Variants in SLC6A3 observed in about 807,000 individuals in gnomAD.
SLC6A3 encodes sodium-dependent dopamine transporter.
In SLC6A3, 19 loss-of-function variants were observed where a neutral mutation model predicts 70.4. The ratio of observed to expected loss-of-function variants is 0.27; its 90% CI spans 0.19 to 0.40. SLC6A3 has a LOEUF of 0.40. Ranked by LOEUF, SLC6A3 falls within the 10% of genes least tolerant of loss-of-function variation. The pLI is 1.00. For missense variants in SLC6A3, 613 were observed against 838.5 expected, an observed-to-expected ratio of 0.73 and a Z score of 3.32; for synonymous variants, 368 against 356.6, an observed-to-expected ratio of 1.03 and a Z score of -0.36.
At chr5:1,418,178 T>C (rs1474473761) in intron 6 of SLC6A3, among the ~76,000 whole-genome samples, 2 of 152,120 alleles carry the variant, frequency 1.3e-5, no homozygotes, top group African/African-American at 4.8e-5. Context: ...AGCTGCAGGC[T>C]GGATCAGGTG....
rs553141529 is a variant in SLC6A3, at chr5:1,408,953, C to T, written c.1498+73G>A. On this transcript the variant is annotated intron_variant, in intron 11 of 14. Transcript: ENST00000270349. The surrounding 1 kb of genome is among the most constrained non-coding windows in gnomAD (Gnocchi z 6.4). ...AGCTGAAAGGTGTTTCCTCACGGAG[C>T]CTTTTTCAGAAGGGGAGTGGCACAG... 3.8e-6 allele frequency: 4 copies of T among 1,051,994 alleles called. No homozygotes were observed. Among genetic ancestry groups the T allele is most frequent in the East Asian group, 4.9e-5 (2 of 40,948 alleles). The allele number at this position is 1,051,994 out of a possible 1,614,324, so 65.2% of individuals were successfully genotyped here.
chr5:1,430,026 A>G (rs1332218691), intron 4 of SLC6A3, among the ~76,000 whole-genome samples: 1 of 151,606 alleles, frequency 6.6e-6, no homozygotes, highest in Admixed American at 6.6e-5. Context: ...TCCTGCCCAG[A>G]CTCTCCCACG....
rs762020173 is a variant in SLC6A3, at chr5:1,411,232, G to A, written c.1269+11C>T. On this transcript the variant is annotated intron_variant, in intron 9 of 14. Coordinates refer to ENST00000270349, the MANE Select transcript of SLC6A3 (RefSeq NM_001044.5). This position sits in a 1 kb window ranked among gnomAD's most constrained non-coding sequence, Gnocchi z 6.5. ...TGCCGAGGACAGGGCCGGGCGGTGCGGGTTACTCACGGCGCTGTCGATACC... is the reference window on the plus strand; with the variant it reads ...TGCCGAGGACAGGGCCGGGCGGTGCAGGTTACTCACGGCGCTGTCGATACC... 19 of 1,531,714 alleles carry A rather than the reference G, an allele frequency of 1.2e-5. No individual in the cohort carries two copies. Among genetic ancestry groups the A allele is most frequent in the East Asian group, 4.9e-5 (2 of 40,828 alleles). 94.9% of individuals were successfully genotyped at this position (1,531,714 alleles called of 1,614,324 possible).
intron 4 of SLC6A3, among the ~76,000 whole-genome samples, chr5:1,432,255 G>A (rs72715594): frequency 5.1e-4 from 78 of 152,238 alleles, no homozygotes; most frequent in Non-Finnish European, 9.9e-4. Flanking sequence ...CTGAGGGCTC[G>A]CCCTACAGGA....
At chr5:1,418,072 G>A (rs1464788700) in intron 6 of SLC6A3, among the ~76,000 whole-genome samples, 3 of 152,220 alleles carry the variant, frequency 2.0e-5, no homozygotes, top group Non-Finnish European at 4.4e-5. Context: ...ATGAGGGGAG[G>A]AGCCAAGCCG....
rs1756138051 is a variant in SLC6A3 at position 1,411,931 on chromosome 5, C to T, written c.1157-576G>A. Reference sequence around the variant, plus strand: ...ATACACACACAGACACATGCGCGCACATGCACGAACACTCATTTGTGCATT... The same window carrying T: ...ATACACACACAGACACATGCGCGCATATGCACGAACACTCATTTGTGCATT... On this transcript the variant is annotated intron_variant, in intron 8 of 14. Coordinates refer to ENST00000270349, the MANE Select transcript of SLC6A3 (RefSeq NM_001044.5). The surrounding 1 kb of genome is among the most constrained non-coding windows in gnomAD (Gnocchi z 6.5). Among the ~76,000 whole-genome samples, 1 of 152,180 alleles carries T rather than the reference C, an allele frequency of 6.6e-6. No homozygotes were observed. Among genetic ancestry groups the T allele is most frequent in the African/African-American group, 2.4e-5 (1 of 41,418 alleles).
At chr5:1,433,035 G>C (rs900604156) in intron 3 of SLC6A3, among the ~76,000 whole-genome samples, 2 of 151,998 alleles carry the variant, frequency 1.3e-5, no homozygotes, top group African/African-American at 4.8e-5. Context: ...TGCACCCAGA[G>C]ACCCCCAGGG....
chr5:1,440,357 T>G (rs985875008), intron 3 of SLC6A3, among the ~76,000 whole-genome samples: 4 of 152,108 alleles, frequency 2.6e-5, no homozygotes, highest in African/African-American at 9.6e-5. Flanking sequence ...GATGGATGGA[T>G]GGATGGATGG....
In SLC6A3 at chr5:1,421,062, G is replaced by A. The variant is rs1756423652; in HGVS notation, c.793-359C>T. 6.6e-6 allele frequency among the ~76,000 whole-genome samples: 1 copy of A among 152,046 alleles called. No homozygotes were observed. Among genetic ancestry groups the A allele is most frequent in the African/African-American group, 2.4e-5 (1 of 41,302 alleles). On this transcript the variant is annotated intron_variant, in intron 5 of 14. Transcript: ENST00000270349. This position sits in a 1 kb window ranked among gnomAD's most constrained non-coding sequence, Gnocchi z 7.2. The stretch of plus-strand genomic sequence containing the variant: ...CGGCACTGTGGCACGATGAAGGGCT[G>A]CTCTGGGCTGTGTCCCTGCGGGAGG...
intron 6 of SLC6A3, among the ~76,000 whole-genome samples, chr5:1,416,974 T>C: frequency 6.6e-6 from 1 of 151,812 alleles, no homozygotes. Context: ...ACACACAACA[T>C]GACCGCGGCG....
chr5:1,439,054 C>T (rs1342267878), intron 3 of SLC6A3, among the ~76,000 whole-genome samples: 4 of 152,186 alleles, frequency 2.6e-5, no homozygotes, highest in African/African-American at 9.7e-5. Flanking sequence ...ACAGGTAACG[C>T]GTGTGTCTTG....
At position 1,402,858 on chromosome 5, in the gene SLC6A3, G is replaced by A. The variant is rs146711102; in HGVS notation, c.1767+64C>T. 1.3e-3 allele frequency: 2,042 copies of A among 1,536,954 alleles called. 6 individuals carry two copies. Among genetic ancestry groups the A allele is most frequent in the Middle Eastern group, 7.6e-3 (33 of 4,326 alleles). ...CAGGCAGGTGAGGACTGGGGCCATG[G>A]ACACCCACGGAGCCTTTCTGGTGGC... On this transcript the variant is annotated intron_variant, in intron 13 of 14. Transcript: ENST00000270349. This position sits in a 1 kb window ranked among gnomAD's most constrained non-coding sequence, Gnocchi z 8.5.
At chr5:1,422,911 G>A (rs1756484715) in intron 4 of SLC6A3, among the ~76,000 whole-genome samples, 2 of 92,842 alleles carry the variant, frequency 2.2e-5, no homozygotes, top group African/African-American at 9.8e-5. Context: ...TGCCCATGGT[G>A]CTGGGTACCC....
rs774641284 is a variant in SLC6A3, at chr5:1,406,302, G to A, written c.1499-14C>T. On this transcript the variant is annotated splice_polypyrimidine_tract_variant and intron_variant, in intron 11 of 14. Transcript: ENST00000270349. This position sits in a 1 kb window ranked among gnomAD's most constrained non-coding sequence, Gnocchi z 8.8. ...ACTGCCCAACACCTGAGGGAGAAGA[G>A]GTGGCATCAGTGTCCATCAGGGCAG... 5 of 1,606,320 alleles carry A rather than the reference G, an allele frequency of 3.1e-6. No individual in the cohort carries two copies. The highest frequency in any genetic ancestry group is 4.3e-6 in the Non-Finnish European group (5 of 1,174,096).
rs772870958 is a variant in SLC6A3, at chr5:1,403,081, G to A, written c.1608C>T (p.Val536=). Residue 536 remains valine, a synonymous_variant, in exon 13 of 15, where the codon GTC becomes GTT. Coordinates refer to ENST00000270349, the MANE Select transcript of SLC6A3 (RefSeq NM_001044.5). ...GTCTGAAGGTCACAATGCTGACCAC[G>A]ACCACGAACTGCAACCAGCAGATAC... is the stretch of plus-strand genomic sequence containing the variant. ...LVSPCFLLFV[V]VVSIVTFRPP... is the part of the protein sequence containing the mutation. 5.0e-6 allele frequency: 8 copies of A among 1,613,554 alleles called. No individual in the cohort carries two copies. The highest frequency in any genetic ancestry group is 2.2e-5 in the South Asian group (2 of 91,050).
rs1755870375 is a variant in SLC6A3, at chr5:1,402,386, T to C, written c.1767+536A>G. On this transcript the variant is annotated intron_variant, in intron 13 of 14. Coordinates refer to ENST00000270349, the MANE Select transcript of SLC6A3 (RefSeq NM_001044.5). This position sits in a 1 kb window ranked among gnomAD's most constrained non-coding sequence, Gnocchi z 8.5. ...ATATCAGTGACTCCGCAAAGCTTCC[T>C]CCACTGCCTGGGGCTCCAGCTGCCC... Among the ~76,000 whole-genome samples the C allele has an allele frequency of 6.6e-6, 1 of 151,804 alleles. No homozygotes were observed. Among genetic ancestry groups the C allele is most frequent in the Non-Finnish European group, 1.5e-5 (1 of 67,978 alleles).
chr5:1,400,825 A>C, intron 14 of SLC6A3, 90 bp downstream of exon 14: 1 of 967,158 alleles, frequency 1.0e-6, no homozygotes, highest in Non-Finnish European at 1.6e-6. Context: ...CATCTACACC[A>C]GCCTCGGAGC....
rs899156730 is a variant in SLC6A3 at position 1,404,893 on chromosome 5, C to T, written c.1599+1295G>A. 6.6e-6 allele frequency among the ~76,000 whole-genome samples: 1 copy of T among 152,216 alleles called. No individual in the cohort carries two copies. The highest frequency in any genetic ancestry group is 2.4e-5 in the African/African-American group (1 of 41,450). ...GTCTAAGATCAGTAGAACATTTTAT[C>T]TCCTAAGATCGAGGTCAGCCCTCTG... On this transcript the variant is annotated intron_variant, in intron 12 of 14. Transcript: ENST00000270349. The surrounding 1 kb of genome is among the most constrained non-coding windows in gnomAD (Gnocchi z 5.2).
Position 1,405,847 on chromosome 5 carries a change from G to A in SLC6A3, c.1599+341C>T, listed in dbSNP as rs992765059. Among the ~76,000 whole-genome samples, 4 of 139,762 alleles carry A rather than the reference G, an allele frequency of 2.9e-5. No homozygotes were observed. Among genetic ancestry groups the A allele is most frequent in the Admixed American group, 2.7e-4 (4 of 14,720 alleles). The allele number at this position is 139,762 out of a possible 152,430, so 91.7% of individuals were successfully genotyped here. ...CCACTGCCCCGGAAGCTCTAACTTC[G>A]ACCTTGATCCTCACAGGCAGAGGTG... is the stretch of plus-strand genomic sequence containing the variant. On this transcript the variant is annotated intron_variant, in intron 12 of 14. Coordinates refer to ENST00000270349, the MANE Select transcript of SLC6A3 (RefSeq NM_001044.5). This position sits in a 1 kb window ranked among gnomAD's most constrained non-coding sequence, Gnocchi z 5.3.
Sources: gnomAD v4.1 joint callset for allele counts (sites outside exome capture counted in the v4.1 genomes callset) on GRCh38, gnomAD v4.1.1 for gene constraint, Gnocchi (gnomAD v3.1) non-coding constraint, MANE v1.5 for transcripts, NCBI Gene and HGNC (gene_info 2026-07-23, HGNC 2026-07-21) for gene names.